Variants in STOX2 observed in about 807,000 individuals in gnomAD.
The protein encoded by STOX2 is storkhead box 2, also known as storkhead-box protein 2.
A neutral mutation model predicts 60.9 loss-of-function variants in STOX2; 28 were observed. The observed-to-expected ratio is 0.46, with a 90% confidence interval of 0.34 to 0.63. STOX2 has a LOEUF of 0.63. Ranked by LOEUF, STOX2 falls within the 30% of genes least tolerant of loss-of-function variation. STOX2 has a pLI of 0.01. For synonymous variants in STOX2, 472 were observed against 463.9 expected, an observed-to-expected ratio of 1.02 and a Z score of -0.22; for missense variants, 1,024 against 1,187.7, an observed-to-expected ratio of 0.86 and a Z score of 2.03.
chr4:183,903,542 C>T (rs1224902227), upstream of STOX2, among the ~76,000 whole-genome samples: 3 of 152,152 alleles, frequency 2.0e-5, 1 homozygote. Flanking sequence ...TCTGTTTGCC[C>T]AGCACCCATC....
At chr4:183,966,401 T>C (rs1743570060) in intron 1 of STOX2, among the ~76,000 whole-genome samples, 1 of 152,266 alleles carries the variant, frequency 6.6e-6, no homozygotes, top group African/African-American at 2.4e-5. Flanking sequence ...AGAAGTCAAC[T>C]GTTTGGAACC....
chr4:183,993,514 C>G lies in STOX2; in HGVS notation c.167-7811C>G, dbSNP rs147978051. The stretch of plus-strand genomic sequence containing the variant: ...TTAATGAGTGTCTTCTGTTTACGCT[C>G]TCTTGATTAAAATGATTTACTCAAA... On this transcript the variant is annotated intron_variant, in intron 1 of 3. Transcript: ENST00000308497. 8.1e-4 allele frequency among the ~76,000 whole-genome samples: 123 copies of G among 152,312 alleles called. 2 individuals are homozygous for G. The highest frequency in any genetic ancestry group is 2.8e-3 in the African/African-American group (115 of 41,566).
chr4:183,842,204 T>G (rs1044554911), intron 1 of STOX2, among the ~76,000 whole-genome samples: 9 of 152,218 alleles, frequency 5.9e-5, no homozygotes, highest in African/African-American at 2.2e-4. Flanking sequence ...ACTCAGTCTT[T>G]GTAGGAATGT....
intron 1 of STOX2, among the ~76,000 whole-genome samples, chr4:183,940,117 G>A (rs1047095136): frequency 3.9e-5 from 6 of 152,122 alleles, no homozygotes; most frequent in African/African-American, 9.7e-5. Flanking sequence ...TGGACAGGCC[G>A]GCCTCGAACT....
chr4:183,908,299 A>G (rs1013458404), intron 1 of STOX2, among the ~76,000 whole-genome samples: 1 of 152,212 alleles, frequency 6.6e-6, no homozygotes, highest in Non-Finnish European at 1.5e-5. Flanking sequence ...TGTGGTTGCT[A>G]CACTCTTCAG....
intron 1 of STOX2, among the ~76,000 whole-genome samples, chr4:183,983,272 T>G (rs1314922537): frequency 1.3e-5 from 2 of 152,298 alleles, no homozygotes; most frequent in East Asian, 3.9e-4. Flanking sequence ...GGCGCTTTTC[T>G]CATATCAGAA....
chr4:183,875,765 A>AG (rs1399551029), intron 1 of STOX2, among the ~76,000 whole-genome samples: 6 of 152,248 alleles, frequency 3.9e-5, no homozygotes, highest in African/African-American at 1.4e-4. Context: ...GGAGACAGGC[A>AG]GGAGTCAAGT....
In STOX2 at chr4:183,906,661, C is replaced by T. The variant is rs975507398; in HGVS notation, c.-130C>T. On this transcript the variant is annotated 5_prime_UTR_variant, in exon 1 of 4. Coordinates refer to ENST00000308497, the MANE Select transcript of STOX2 (RefSeq NM_020225.3). ...GACCCGCCGCTGGCGGTGTAGACGCCGACGAGGAGGGGCTGGGAAAATGTG... is the reference window on the plus strand; with the variant it reads ...GACCCGCCGCTGGCGGTGTAGACGCTGACGAGGAGGGGCTGGGAAAATGTG... The T allele has an allele frequency of 3.6e-5, 38 of 1,062,332 alleles. No individual in the cohort carries two copies. The Admixed American group carries it at 9.0e-4, about 25-fold the overall frequency. The allele number at this position is 1,062,332 out of a possible 1,614,324, so 65.8% of individuals were successfully genotyped here.
intron 1 of STOX2, chr4:183,988,741 G>A (rs1217172475): frequency 6.6e-6 from 1 of 152,592 alleles, no homozygotes; most frequent in East Asian, 1.9e-4. Flanking sequence ...TCTTGTGCTT[G>A]GATGCAGCTC....
chr4:183,883,792 A>G (rs1741011806), intron 1 of STOX2, among the ~76,000 whole-genome samples: 2 of 152,182 alleles, frequency 1.3e-5, no homozygotes. Context: ...TTAATGAAGA[A>G]TTTGCTAGAT....
chr4:183,826,642 G>A (rs967241197), intron 1 of STOX2, among the ~76,000 whole-genome samples: 1 of 152,234 alleles, frequency 6.6e-6, no homozygotes, highest in African/African-American at 2.4e-5. Context: ...GCCCTGGCAG[G>A]TCACACCATC....
intron 1 of STOX2, among the ~76,000 whole-genome samples, chr4:183,890,398 G>A (rs983650313): frequency 6.6e-6 from 1 of 151,484 alleles, no homozygotes; most frequent in Non-Finnish European, 1.5e-5. Flanking sequence ...CGGGAGAATT[G>A]CTTGAACCCG....
At position 184,021,109 on chromosome 4, in the gene STOX2, T is replaced by TA. The variant is rs1734571623; in HGVS notation, c.*3827dup. 6.6e-6 allele frequency: 1 copy of TA among 152,258 alleles called. No individual in the cohort carries two copies. Among genetic ancestry groups the TA allele is most frequent in the African/African-American group, 2.4e-5 (1 of 41,478 alleles). 9.4% of individuals were successfully genotyped at this position (152,258 alleles called of 1,614,324 possible). On this transcript the variant is annotated 3_prime_UTR_variant, in exon 4 of 4. Transcript: ENST00000308497. ...CATTTTTTGAAAGTCTTGCCATTTATAACATGGGCAGTATTTGGAGCTTCA... is the reference window on the plus strand; with the variant it reads ...CATTTTTTGAAAGTCTTGCCATTTATAAACATGGGCAGTATTTGGAGCTTCA...
intron 1 of STOX2, among the ~76,000 whole-genome samples, chr4:183,950,560 C>A (rs1027405362): frequency 2.0e-5 from 3 of 152,232 alleles, no homozygotes; most frequent in Middle Eastern, 3.4e-3. Flanking sequence ...CCCCAGGAAG[C>A]CACTGGAAGG....
At chr4:183,920,588 CTCT>C (rs1168699150) in intron 1 of STOX2, among the ~76,000 whole-genome samples, 1 of 152,134 alleles carries the variant, frequency 6.6e-6, no homozygotes, top group Non-Finnish European at 1.5e-5. Context: ...TAAAAATAAT[CTCT>C]TCTTAGCCAG....
intron 1 of STOX2, among the ~76,000 whole-genome samples, chr4:183,933,915 A>T (rs1248243027): frequency 3.3e-5 from 5 of 152,240 alleles, no homozygotes; most frequent in African/African-American, 1.2e-4. Context: ...GACAGAGAGA[A>T]TAAAAATAGG....
chr4:183,805,243 G>C (rs1244443026), intron 1 of STOX2, among the ~76,000 whole-genome samples: 1 of 152,166 alleles, frequency 6.6e-6, no homozygotes, highest in African/African-American at 2.4e-5. Context: ...TTGAAGTTTG[G>C]AGATTGTACT....
intron 1 of STOX2, among the ~76,000 whole-genome samples, chr4:183,818,530 T>A (rs1019158740): frequency 5.3e-5 from 8 of 152,254 alleles, no homozygotes; most frequent in African/African-American, 1.4e-4. Flanking sequence ...CTGATTTCTC[T>A]ATCTTTTCCC....
chr4:183,993,594 G>A (rs1286845543), intron 1 of STOX2, among the ~76,000 whole-genome samples: 1 of 151,788 alleles, frequency 6.6e-6, no homozygotes, highest in Admixed American at 6.6e-5. Context: ...TTGAAGTAAA[G>A]CATTAGGAAA....
Sources: gnomAD v4.1 joint callset for allele counts (sites outside exome capture counted in the v4.1 genomes callset) on GRCh38, gnomAD v4.1.1 for gene constraint, MANE v1.5 for transcripts, NCBI Gene and HGNC (gene_info 2026-07-23, HGNC 2026-07-21) for gene names.